Variants in CENPK observed in about 807,000 individuals in gnomAD.
CENPK encodes the protein centromere protein K.
In CENPK, 46 loss-of-function variants were observed where a neutral mutation model predicts 40.9. The observed-to-expected ratio is 1.13, with a 90% confidence interval of 0.89 to 1.44. CENPK has a LOEUF of 1.44. Among genes scored for constraint, CENPK ranks in the 40% most tolerant of loss-of-function variants. The pLI, the probability that CENPK is intolerant of heterozygous loss-of-function variation, is 0.00. For synonymous variants in CENPK, 107 were observed against 104.4 expected (o/e 1.02, Z -0.15); for missense variants, 288 against 303.5 (o/e 0.95, Z 0.38).
chr5:65,516,700 T>TA (rs149172436), downstream of CENPK, among the ~76,000 whole-genome samples: 90,440 of 150,042 alleles, frequency 0.6, 27,835 homozygotes, highest in East Asian at 0.79. Flanking sequence ...CTCTACATGC[T>TA]AAAAAAAAAG....
intron 6 of CENPK, among the ~76,000 whole-genome samples, chr5:65,532,055 TGA>T (rs1745941811): frequency 6.6e-6 from 1 of 152,136 alleles, no homozygotes; most frequent in Non-Finnish European, 1.5e-5. Context: ...ATATCAGGAA[TGA>T]GAGAGGTGAC....
chr5:65,549,875 T>C (rs748869008), intron 5 of CENPK, among the ~76,000 whole-genome samples: 1 of 152,200 alleles, frequency 6.6e-6, no homozygotes, highest in Non-Finnish European at 1.5e-5. Flanking sequence ...ATAATTTGTG[T>C]GTTCACTAGA....
At chr5:65,520,525 A>T (rs1198339757) in intron 10 of CENPK, among the ~76,000 whole-genome samples, 1 of 152,216 alleles carries the variant, frequency 6.6e-6, no homozygotes, top group Non-Finnish European at 1.5e-5. Context: ...AAAAAGGTTA[A>T]GTCATCCATG....
chr5:65,516,077 C>G (rs1250965860), downstream of CENPK, among the ~76,000 whole-genome samples: 1 of 152,158 alleles, frequency 6.6e-6, no homozygotes, highest in Non-Finnish European at 1.5e-5. Flanking sequence ...GCCACCTAAC[C>G]TTAATATCTT....
chr5:65,537,993 C>T (rs1028227616), intron 6 of CENPK, among the ~76,000 whole-genome samples: 2 of 152,172 alleles, frequency 1.3e-5, no homozygotes, highest in African/African-American at 2.4e-5. Flanking sequence ...AATTTCCACA[C>T]TGCTTTCTAA....
chr5:65,559,418 A>G (rs1038277187), intron 2 of CENPK, among the ~76,000 whole-genome samples: 2 of 151,964 alleles, frequency 1.3e-5, no homozygotes, highest in Admixed American at 1.3e-4. Flanking sequence ...TCACGAGGTC[A>G]GGAGATCGAG....
At chr5:65,561,606 AC>A in intron 1 of CENPK, 42 bp from the exon 2 acceptor site, 2 of 420,280 alleles carry the variant, frequency 4.8e-6, no homozygotes, top group Non-Finnish European at 9.6e-6. Context: ...AAACACACAC[AC>A]ACACACACAC....
At chr5:65,527,624 A>G (rs1201249994) in intron 9 of CENPK, among the ~76,000 whole-genome samples, 1 of 149,584 alleles carries the variant, frequency 6.7e-6, no homozygotes, top group Non-Finnish European at 1.5e-5. Flanking sequence ...TTATTTCATT[A>G]TAGCTACTAT....
At chr5:65,529,767 T>G (rs1382687367) in intron 6 of CENPK, 1 of 152,374 alleles carries the variant, frequency 6.6e-6, no homozygotes, top group Non-Finnish European at 1.5e-5. Context: ...ATTACAGGCG[T>G]GAGCCACCGT....
chr5:65,528,018 T>C lies in CENPK; in HGVS notation c.597+434A>G, dbSNP rs10071581. Among the ~76,000 whole-genome samples the C allele has an allele frequency of 3.5e-3, 531 of 152,214 alleles. 4 individuals carry two copies. The highest frequency in any genetic ancestry group is 0.012 in the African/African-American group (499 of 41,538). On this transcript the variant is annotated intron_variant, in intron 9 of 10. Transcript: ENST00000396679. Reference sequence around the variant, plus strand: ...CACTTGGGAGGCCGAGGTGGGCAGATTGCCTGAGCTCAGGAGTTCAAGACC... The same window carrying C: ...CACTTGGGAGGCCGAGGTGGGCAGACTGCCTGAGCTCAGGAGTTCAAGACC...
At chr5:65,544,313 T>C (rs1423619811) in intron 5 of CENPK, among the ~76,000 whole-genome samples, 2 of 152,170 alleles carry the variant, frequency 1.3e-5, no homozygotes, top group African/African-American at 4.8e-5. Flanking sequence ...TAATGGTGAT[T>C]AAGTTTTAAC....
chr5:65,513,985 C>T (rs191923783), downstream of CENPK, among the ~76,000 whole-genome samples: 1 of 152,224 alleles, frequency 6.6e-6, no homozygotes, highest in East Asian at 1.9e-4. Context: ...CATGACCTTA[C>T]TCCTTTAGTG....
chr5:65,545,030 A>G (rs1748645337), intron 5 of CENPK, among the ~76,000 whole-genome samples: 1 of 152,196 alleles, frequency 6.6e-6, no homozygotes, highest in South Asian at 2.1e-4. Context: ...ATATTTTACC[A>G]CAATTAAAAA....
At chr5:65,529,708 G>C (rs1329187026) in intron 6 of CENPK, 2 of 152,774 alleles carry the variant, frequency 1.3e-5, no homozygotes, top group East Asian at 1.9e-4. Context: ...GGATGGTCTC[G>C]ATGTCCTGAC....
At chr5:65,526,691 A>G (rs1020415814) in intron 9 of CENPK, among the ~76,000 whole-genome samples, 1 of 152,232 alleles carries the variant, frequency 6.6e-6, no homozygotes, top group Non-Finnish European at 1.5e-5. Context: ...CAGATTCAGT[A>G]GCTCACATCT....
chr5:65,531,718 G>T (rs988115390), intron 6 of CENPK, among the ~76,000 whole-genome samples: 1 of 152,130 alleles, frequency 6.6e-6, no homozygotes, highest in Non-Finnish European at 1.5e-5. Flanking sequence ...TGGCCAGGAT[G>T]GTCTCGATCT....
At chr5:65,561,195 T>C (rs1053285828) in intron 2 of CENPK, 5 of 202,436 alleles carry the variant, frequency 2.5e-5, no homozygotes, top group South Asian at 1.6e-4. Context: ...AAATCTCACC[T>C]GCTATACCCA....
rs147113656 is a variant in CENPK, at chr5:65,548,777, T to C, written c.241+2787A>G. ...CATCTGTTCAAGTTTTATCATGAGA[T>C]TGCAGTCATTCAGCCACATTTTCAG... is the stretch of plus-strand genomic sequence containing the variant. On this transcript the variant is annotated intron_variant, in intron 5 of 10. Coordinates refer to ENST00000396679, the MANE Select transcript of CENPK (RefSeq NM_022145.5). 3.0e-3 allele frequency among the ~76,000 whole-genome samples: 455 copies of C among 152,334 alleles called. 2 individuals carry two copies. The highest frequency in any genetic ancestry group is 6.8e-3 in the Middle Eastern group (2 of 294).
intron 5 of CENPK, chr5:65,551,078 C>CA (rs1296570195): frequency 3.8e-5 from 11 of 289,928 alleles, no homozygotes; most frequent in South Asian, 1.7e-4. Context: ...CCCGTCTCTA[C>CA]AAAAAAATAC....
Sources: allele counts gnomAD v4.1 joint callset (sites outside exome capture counted in the v4.1 genomes callset), GRCh38; gene constraint gnomAD v4.1.1; transcripts MANE v1.5; gene names NCBI Gene and HGNC (gene_info 2026-07-23, HGNC 2026-07-21).